CLCC1: variants seen among roughly 807,000 people sequenced by gnomAD.
The protein encoded by CLCC1 is chloride channel CLIC like 1.
A neutral mutation model predicts 63.3 loss-of-function variants in CLCC1; 39 were observed. The ratio of observed to expected loss-of-function variants is 0.62; its 90% CI spans 0.48 to 0.81. CLCC1 has a LOEUF of 0.81. CLCC1 is among the 30% of genes least tolerant of loss of function. The pLI is 0.00. For synonymous variants in CLCC1, 217 were observed against 239.8 expected (o/e 0.90, Z 0.88); for missense variants, 549 against 669.4 (o/e 0.82, Z 1.98).
intron 7 of CLCC1, among the ~76,000 whole-genome samples, chr1:108,942,766 T>C (rs1318475830): frequency 6.6e-6 from 1 of 152,232 alleles, no homozygotes; most frequent in African/African-American, 2.4e-5. Context: ...TTTTCTAAAT[T>C]CTCTGCCATG....
intron 2 of CLCC1, among the ~76,000 whole-genome samples, chr1:108,953,790 C>T (rs1305768507): frequency 6.6e-6 from 1 of 151,604 alleles, no homozygotes; most frequent in Admixed American, 6.6e-5. Context: ...GCGGGCAGCT[C>T]ACCTGAGGTC....
intron 11 of CLCC1, 110 bp downstream of exon 11, chr1:108,936,967 A>G (rs1273955734): frequency 4.6e-6 from 3 of 659,192 alleles, no homozygotes; most frequent in Admixed American, 3.8e-5. Flanking sequence ...TGTATCACTC[A>G]TGATATAATT....
At chr1:108,937,479 G>C (rs1301803653) in intron 10 of CLCC1, 61 bp from the exon 11 acceptor site, 2 of 1,339,072 alleles carry the variant, frequency 1.5e-6, no homozygotes, top group Non-Finnish European at 2.0e-6. Flanking sequence ...AAAGTTATGA[G>C]GCATTTTATT....
In CLCC1 at chr1:108,932,350, T is replaced by TTATC. The variant is rs1652139145; in HGVS notation, c.*193_*196dup. Reference sequence around the variant, plus strand: ...ATATTGGCTAGTCAATAAACAAGTCTTATCTCATCTCATCTCTTTTCTGAT... The same window carrying TTATC: ...ATATTGGCTAGTCAATAAACAAGTCTTATCTATCTCATCTCATCTCTTTTCTGAT... On this transcript the variant is annotated 3_prime_UTR_variant, in exon 13 of 13. Coordinates refer to ENST00000369969, the MANE Select transcript of CLCC1 (RefSeq NM_001377458.1). The TTATC allele has an allele frequency of 1.3e-5, 2 of 152,286 alleles. No homozygotes were observed. Among genetic ancestry groups the TTATC allele is most frequent in the African/African-American group, 4.8e-5 (2 of 41,564 alleles). The allele number at this position is 152,286 out of a possible 1,614,324, so 9.4% of individuals were successfully genotyped here. A position where few individuals can be genotyped will look rare whatever the true frequency, so the allele number is the denominator to read the frequency against.
At chr1:108,950,009 A>T in intron 3 of CLCC1, 88 bp from the exon 4 acceptor site, 1 of 836,850 alleles carries the variant, frequency 1.2e-6, no homozygotes, top group Non-Finnish European at 1.9e-6. Flanking sequence ...TTCTGACTTC[A>T]TCATTTCATG....
rs1652645485 is a variant in CLCC1, at chr1:108,934,862, A to G, written c.1464T>C (p.Thr488=). 2 of 1,614,114 alleles carry G rather than the reference A, an allele frequency of 1.2e-6. No individual in the cohort carries two copies. The highest frequency in any genetic ancestry group is 1.7e-6 in the Non-Finnish European group (2 of 1,180,040). Residue 488 remains threonine (T), a synonymous_variant, in exon 12 of 13, where the codon ACT becomes ACC. Coordinates refer to ENST00000369969, the MANE Select transcript of CLCC1 (RefSeq NM_001377458.1). ...LGEGTPKESS[T]ESSQSAKPVS... The stretch of plus-strand genomic sequence containing the variant: ...CAGGCTTGGCCGACTGGCTGCTTTC[A>G]GTACTGCTTTCTTTCGGTGTGCCTT...
intron 2 of CLCC1, among the ~76,000 whole-genome samples, chr1:108,956,555 G>C (rs1020227839): frequency 6.6e-6 from 1 of 150,724 alleles, no homozygotes; most frequent in Non-Finnish European, 1.5e-5. Flanking sequence ...CAGCTACTCG[G>C]GAGGCTGAGG....
Position 108,958,934 on chromosome 1 carries a change from G to T in CLCC1, c.-12+3375C>A, listed in dbSNP as rs186639127. 1.2e-4 allele frequency among the ~76,000 whole-genome samples: 18 copies of T among 151,452 alleles called. No individual in the cohort carries two copies. In the East Asian group the frequency reaches 3.3e-3, roughly 28 times the overall value. ...CATGCCTATAATCCCAGCACTTTGG[G>T]AGGCCGAGGTGGGCGGATCACCCAA... is the stretch of plus-strand genomic sequence containing the variant. On this transcript the variant is annotated intron_variant, in intron 2 of 12. Coordinates refer to ENST00000369969, the MANE Select transcript of CLCC1 (RefSeq NM_001377458.1).
rs750385149 is a variant in CLCC1 at position 108,937,179 on chromosome 1, A to ATC, written c.1279_1280dup (p.Asp427GlufsTer5). ...TGCCAGTCTGAAATCTCAAGTCAAC[A>ATC]TCTCTCTCTCTCAAAATCTCTCTTC... On this transcript the variant is annotated frameshift_variant, in exon 11 of 13. Coordinates refer to ENST00000369969, the MANE Select transcript of CLCC1 (RefSeq NM_001377458.1). LOFTEE classifies it high-confidence loss of function. The ATC allele has an allele frequency of 6.9e-6, 11 of 1,591,556 alleles. No individual in the cohort carries two copies. The highest frequency in any genetic ancestry group is 6.8e-5 in the South Asian group (6 of 87,774).
chr1:108,939,492 G>C (rs1218235138), intron 10 of CLCC1, 144 bp downstream of exon 10: 1 of 557,072 alleles, frequency 1.8e-6, no homozygotes, highest in East Asian at 4.0e-5. Flanking sequence ...ATTTTTTTTA[G>C]TAGAGACAGG....
chr1:108,963,156 A>G (rs2101745487), intron 1 of CLCC1, among the ~76,000 whole-genome samples: 1 of 152,326 alleles, frequency 6.6e-6, no homozygotes, highest in South Asian at 2.1e-4. Context: ...CGCGGCGGAC[A>G]GGCAGCCGCC....
chr1:108,930,870 GAC>G lies in CLCC1; in HGVS notation c.*1675_*1676del, dbSNP rs1039651006. The stretch of plus-strand genomic sequence containing the variant: ...CAAGCCACTGGACTCCAGCCTGAGT[GAC>G]AGAGCAAGACTCTGTCTCAAAAAAA... On this transcript the variant is annotated 3_prime_UTR_variant, in exon 13 of 13. Transcript: ENST00000369969. The G allele has an allele frequency of 1.4e-5, 2 of 147,730 alleles. No homozygotes were observed. The highest frequency in any genetic ancestry group is 5.2e-5 in the African/African-American group (2 of 38,332). 9.2% of individuals were successfully genotyped at this position (147,730 alleles called of 1,614,324 possible).
Position 108,949,910 on chromosome 1 carries a change from AC to A in CLCC1, c.140del (p.Gly47ValfsTer28). The A allele has an allele frequency of 6.3e-7, 1 of 1,594,252 alleles. No individual in the cohort carries two copies. The highest frequency in any genetic ancestry group is 8.5e-7 in the Non-Finnish European group (1 of 1,171,044). ...GTMRKSQAKY[G>X]ISGEKDVSPD... ...GACTGACATCCTTTTCCCCTGAAAT[AC>A]CATATTTTGCCTAAAACAGAGTATA... On this transcript the variant is annotated frameshift_variant, in exon 4 of 13. Coordinates refer to ENST00000369969, the MANE Select transcript of CLCC1 (RefSeq NM_001377458.1). LOFTEE classifies it high-confidence loss of function.
At chr1:108,944,773 G>A (rs1409196636) in intron 5 of CLCC1, among the ~76,000 whole-genome samples, 1 of 151,964 alleles carries the variant, frequency 6.6e-6, no homozygotes, top group Non-Finnish European at 1.5e-5. Context: ...GGGACTACAG[G>A]TGCCCGCCAC....
chr1:108,939,641 T>C lies in CLCC1; in HGVS notation c.1036A>G (p.Ile346Val). ...GCTAATATATTAATACTAACCAGGA[T>C]GGCTAATGCCATAATTATCAGCACT... Reference protein sequence around the residue: ...LPVLIIMALAILSFCYGAGKS... With the variant: ...LPVLIIMALAVLSFCYGAGKS... Residue 346 changes from isoleucine to valine, a missense_variant, in exon 10 of 13, where the codon ATC becomes GTC. Transcript: ENST00000369969. 2 of 1,614,018 alleles carry C rather than the reference T, an allele frequency of 1.2e-6. No homozygotes were observed. Among genetic ancestry groups the C allele is most frequent in the Non-Finnish European group, 1.7e-6 (2 of 1,179,956 alleles).
chr1:108,963,103 A>T (rs1656880684), intron 1 of CLCC1, among the ~76,000 whole-genome samples: 1 of 152,236 alleles, frequency 6.6e-6, no homozygotes, highest in African/African-American at 2.4e-5. Flanking sequence ...CCTTCTCCGT[A>T]GGCCGCTCTC....
At position 108,934,680 on chromosome 1, in the gene CLCC1, G is replaced by A. The variant is rs1652595410; in HGVS notation, c.1646C>T (p.Pro549Leu). ...TGTGCTGGTGTTCCTCTAGCCACAGGGGCTGCTGACCGGATCCTGTCCACG... is the reference window on the plus strand; with the variant it reads ...TGTGCTGGTGTTCCTCTAGCCACAGAGGCTGCTGACCGGATCCTGTCCACG... ...GPRGQDPVSS[P>L]CG Residue 549 changes from proline (P) to leucine (L), a missense_variant, in exon 12 of 13, where the codon CCC (proline) becomes CTC (leucine). Physicochemically the swap from Pro to Leu is moderately conservative, Grantham distance 98 (BLOSUM62 -3). Transcript: ENST00000369969. The A allele has an allele frequency of 3.7e-6, 6 of 1,612,728 alleles. No homozygotes were observed. In the East Asian group the frequency reaches 1.1e-4, roughly 30 times the overall value.
intron 2 of CLCC1, among the ~76,000 whole-genome samples, chr1:108,958,788 G>A (rs1349080162): frequency 6.6e-6 from 1 of 151,396 alleles, no homozygotes; most frequent in Non-Finnish European, 1.5e-5. Flanking sequence ...GCTGAGGCAG[G>A]AGAATTGCTT....
Position 108,934,692 on chromosome 1 carries a change from G to C in CLCC1, c.1634C>G (p.Pro545Arg), listed in dbSNP as rs145504985. 2 of 1,613,426 alleles carry C rather than the reference G, an allele frequency of 1.2e-6. No homozygotes were observed. The highest frequency in any genetic ancestry group is 1.7e-6 in the Non-Finnish European group (2 of 1,179,982). Reference protein sequence around the residue: ...RGVAGPRGQDPVSSPCG With the variant: ...RGVAGPRGQDRVSSPCG ...CCTCTAGCCACAGGGGCTGCTGACC[G>C]GATCCTGTCCACGTGGTCCAGCCAC... The change falls in exon 12 of 13, where the codon CCG (proline) becomes CGG (arginine). Residue 545 changes from proline to arginine, a missense_variant. Pro to Arg is a moderately radical substitution (Grantham distance 103). Coordinates refer to ENST00000369969, the MANE Select transcript of CLCC1 (RefSeq NM_001377458.1).
Sources: gnomAD v4.1 joint callset for allele counts (sites outside exome capture counted in the v4.1 genomes callset) on GRCh38, gnomAD v4.1.1 for gene constraint, MANE v1.5 for transcripts, NCBI Gene and HGNC (gene_info 2026-07-23, HGNC 2026-07-21) for gene names.